The following SKIC3 variants were observed in gnomAD, a reference collection of about 807,000 sequenced individuals.
SKIC3 encodes SKI3 subunit of superkiller complex.
At chr5:95,485,924 G>A in the SKIC3 span, among the ~76,000 whole-genome samples, 1 of 152,124 alleles carries the variant, frequency 6.6e-6, no homozygotes, top group African/African-American at 2.4e-5. Flanking sequence ...TGCTCGGCTG[G>A]GATCAGCTGG....
At chr5:95,494,602 G>A in the SKIC3 span, 222 of 1,374,416 alleles carry the variant, frequency 1.6e-4, no homozygotes, top group Non-Finnish European at 2.2e-4. Flanking sequence ...TATATTGTGT[G>A]CAAGATTTTT....
chr5:95,498,469 T>A, the SKIC3 span: 1 of 1,614,130 alleles, frequency 6.2e-7, no homozygotes, highest in Non-Finnish European at 8.5e-7. Flanking sequence ...ATTACTGTCT[T>A]TGTGTTTGAT....
At chr5:95,492,824 G>A in the SKIC3 span, among the ~76,000 whole-genome samples, 1 of 151,880 alleles carries the variant, frequency 6.6e-6, no homozygotes, top group Non-Finnish European at 1.5e-5. Context: ...GGATCTTACA[G>A]TATTGTATAG....
At chr5:95,503,237 C>T in the SKIC3 span, among the ~76,000 whole-genome samples, 9 of 152,282 alleles carry the variant, frequency 5.9e-5, no homozygotes, top group African/African-American at 1.9e-4. Context: ...CTAACTTCTA[C>T]GTTCGGAATC....
the SKIC3 span, among the ~76,000 whole-genome samples, chr5:95,531,802 A>T: frequency 8.5e-5 from 13 of 152,172 alleles, no homozygotes; most frequent in Admixed American, 3.9e-4. Context: ...TTAGTCTTAT[A>T]ACATGTATAT....
At chr5:95,539,758 T>C in the SKIC3 span, among the ~76,000 whole-genome samples, 1 of 149,894 alleles carries the variant, frequency 6.7e-6, no homozygotes, top group Admixed American at 6.7e-5. Context: ...GCAGGAGAAT[T>C]GCTTGAACCT....
At chr5:95,525,637 G>A in the SKIC3 span, 3 of 1,613,888 alleles carry the variant, frequency 1.9e-6, no homozygotes, top group Non-Finnish European at 2.5e-6. Context: ...AAGCTTTTGA[G>A]AACCAAAAGT....
the SKIC3 span, among the ~76,000 whole-genome samples, chr5:95,514,640 T>C: frequency 6.6e-5 from 10 of 152,134 alleles, no homozygotes; most frequent in South Asian, 8.3e-4. Flanking sequence ...GAGTTTCTAT[T>C]TCCACAACTA....
the SKIC3 span, among the ~76,000 whole-genome samples, chr5:95,467,067 T>G: frequency 2.8e-3 from 429 of 152,306 alleles, 3 homozygotes; most frequent in African/African-American, 0.01. Context: ...ATATTTGTAT[T>G]GTTATAAACT....
chr5:95,539,984 T>C, the SKIC3 span, among the ~76,000 whole-genome samples: 1 of 151,992 alleles, frequency 6.6e-6, no homozygotes, highest in South Asian at 2.1e-4. Flanking sequence ...AAGTCACAAC[T>C]GCAAAAATAC....
the SKIC3 span, among the ~76,000 whole-genome samples, chr5:95,527,689 T>C: frequency 1.3e-5 from 2 of 152,168 alleles, no homozygotes; most frequent in Non-Finnish European, 2.9e-5. Flanking sequence ...TGCAGAACAC[T>C]TCCTGAAGGA....
At chr5:95,519,686 C>T in the SKIC3 span, among the ~76,000 whole-genome samples, 4 of 151,964 alleles carry the variant, frequency 2.6e-5, no homozygotes, top group East Asian at 1.9e-4. Flanking sequence ...ATAGTATTAA[C>T]GCCTTGTAAG....
the SKIC3 span, among the ~76,000 whole-genome samples, chr5:95,493,048 A>C: frequency 1.1e-4 from 16 of 152,330 alleles, no homozygotes; most frequent in East Asian, 3.1e-3. Flanking sequence ...CAAAAGCACT[A>C]ATCTAGCAGA....
the SKIC3 span, chr5:95,491,003 G>C: frequency 7.4e-6 from 12 of 1,613,900 alleles, no homozygotes; most frequent in Non-Finnish European, 1.0e-5. Flanking sequence ...AGCGTGACAG[G>C]CTGCCATTAG....
chr5:95,493,119 A>C, the SKIC3 span, among the ~76,000 whole-genome samples: 1 of 152,020 alleles, frequency 6.6e-6, no homozygotes, highest in African/African-American at 2.4e-5. Context: ...TCCTGACAAG[A>C]CTCCCTGGAA....
chr5:95,547,258 C>A, the SKIC3 span: 1 of 895,764 alleles, frequency 1.1e-6, no homozygotes, highest in Non-Finnish European at 1.8e-6. Flanking sequence ...GGAAAAGACT[C>A]CTTCTCTCTG....
chr5:95,491,160 T>G, the SKIC3 span: 1 of 1,367,844 alleles, frequency 7.3e-7, no homozygotes, highest in Non-Finnish European at 1.0e-6. Context: ...AAATTTCACT[T>G]TCTCAAAGGA....
the SKIC3 span, among the ~76,000 whole-genome samples, chr5:95,544,069 T>C: frequency 6.6e-6 from 1 of 152,350 alleles, no homozygotes; most frequent in Middle Eastern, 3.4e-3. Flanking sequence ...GCGAGTCATA[T>C]TATTAGACTT....
the SKIC3 span, among the ~76,000 whole-genome samples, chr5:95,492,437 C>T: frequency 2.7e-5 from 4 of 150,058 alleles, no homozygotes; most frequent in Non-Finnish European, 5.9e-5. Flanking sequence ...GAGATCGAGA[C>T]CATCCCGGCT....
Sources: gnomAD v4.1 joint callset for allele counts (sites outside exome capture counted in the v4.1 genomes callset) on GRCh38, gnomAD v4.1.1 for gene constraint, MANE v1.5 for transcripts, NCBI Gene and HGNC (gene_info 2026-07-23, HGNC 2026-07-21) for gene names.